Variants in PCDH17 observed in about 807,000 individuals in gnomAD.
PCDH17 encodes the protein protocadherin-17.
A neutral mutation model predicts 67.7 loss-of-function variants in PCDH17; 21 were observed. That is an observed-to-expected ratio of 0.31 (90% CI 0.22 to 0.45). PCDH17 has a LOEUF of 0.45. Among genes scored for constraint, PCDH17 ranks in the 20% least tolerant of loss-of-function variants. The pLI is 1.00. For synonymous variants in PCDH17, 701 were observed against 656.7 expected (o/e 1.07, Z -1.03); for missense variants, 1,471 against 1,564.8 (o/e 0.94, Z 1.01).
intron 3 of PCDH17, among the ~76,000 whole-genome samples, chr13:57,697,755 A>G (rs1955624810): frequency 6.6e-6 from 1 of 151,572 alleles, no homozygotes; most frequent in African/African-American, 2.4e-5. Flanking sequence ...TATTCATCCT[A>G]GAGCTCAAAA....
At chr13:57,682,737 A>C (rs1394989856) in intron 3 of PCDH17, among the ~76,000 whole-genome samples, 2 of 151,848 alleles carry the variant, frequency 1.3e-5, no homozygotes, top group Non-Finnish European at 2.9e-5. Flanking sequence ...AAAAGAAAAA[A>C]AGATTGATCG....
intron 3 of PCDH17, among the ~76,000 whole-genome samples, chr13:57,712,644 G>C (rs1052262373): frequency 6.6e-6 from 1 of 151,154 alleles, no homozygotes; most frequent in African/African-American, 2.4e-5. Flanking sequence ...AATACCTTTG[G>C]TAGCAACAAA....
intron 3 of PCDH17, among the ~76,000 whole-genome samples, chr13:57,720,164 A>G (rs556066586): frequency 6.6e-6 from 1 of 152,156 alleles, no homozygotes; most frequent in East Asian, 1.9e-4. Flanking sequence ...TGCTTGCCTG[A>G]TATCCTTAAG....
chr13:57,661,907 G>A (rs1386393801), intron 1 of PCDH17, among the ~76,000 whole-genome samples: 1 of 151,922 alleles, frequency 6.6e-6, no homozygotes, highest in Non-Finnish European at 1.5e-5. Flanking sequence ...TCACTCTGTT[G>A]CTCAATCTGG....
At chr13:57,654,650 A>G (rs963125699) in intron 1 of PCDH17, among the ~76,000 whole-genome samples, 3 of 152,068 alleles carry the variant, frequency 2.0e-5, no homozygotes, top group African/African-American at 4.8e-5. Flanking sequence ...TGACAGTCTG[A>G]TAAAGAGTAC....
chr13:57,700,375 G>A (rs1419737722), intron 3 of PCDH17, among the ~76,000 whole-genome samples: 1 of 147,060 alleles, frequency 6.8e-6, no homozygotes, highest in East Asian at 2.0e-4. Context: ...CTGGATTGCA[G>A]TGGCGTGATC....
At chr13:57,720,472 A>C in intron 3 of PCDH17, among the ~76,000 whole-genome samples, 1 of 152,100 alleles carries the variant, frequency 6.6e-6, no homozygotes, top group East Asian at 1.9e-4. Context: ...AATACATAAA[A>C]TATTGTTATT....
intron 1 of PCDH17, among the ~76,000 whole-genome samples, chr13:57,639,904 T>C (rs1954869579): frequency 6.6e-6 from 1 of 151,940 alleles, no homozygotes; most frequent in Admixed American, 6.6e-5. Flanking sequence ...CCTTTGACTA[T>C]ATTGTTCAAC....
At chr13:57,677,321 G>C (rs886309773) in intron 3 of PCDH17, among the ~76,000 whole-genome samples, 2 of 151,744 alleles carry the variant, frequency 1.3e-5, no homozygotes, top group African/African-American at 4.8e-5. Context: ...TGTTATTTAG[G>C]TATAAATGAA....
chr13:57,699,232 G>A (rs1220105346), intron 3 of PCDH17, among the ~76,000 whole-genome samples: 1 of 151,806 alleles, frequency 6.6e-6, no homozygotes, highest in Admixed American at 6.6e-5. Context: ...TCATTGATTT[G>A]TGTTTTTAAA....
intron 3 of PCDH17, among the ~76,000 whole-genome samples, chr13:57,697,639 C>T (rs187039916): frequency 5.3e-5 from 8 of 151,546 alleles, no homozygotes; most frequent in Admixed American, 2.6e-4. Context: ...TCATTATATA[C>T]GCTTTCTATA....
intron 3 of PCDH17, among the ~76,000 whole-genome samples, chr13:57,686,003 C>T (rs974636017): frequency 4.6e-5 from 7 of 151,810 alleles, no homozygotes; most frequent in African/African-American, 1.4e-4. Context: ...GCAGGAGGAT[C>T]GCTTGAGCCC....
intron 1 of PCDH17, among the ~76,000 whole-genome samples, chr13:57,661,917 G>C (rs1955188446): frequency 6.6e-6 from 1 of 151,996 alleles, no homozygotes; most frequent in Non-Finnish European, 1.5e-5. Flanking sequence ...GCTCAATCTG[G>C]AGTGCAGATT....
intron 3 of PCDH17, among the ~76,000 whole-genome samples, chr13:57,683,960 G>A (rs9537776): frequency 0.43 from 64,913 of 151,684 alleles, 14,076 homozygotes; most frequent in Middle Eastern, 0.55. Context: ...AGGAATAGCA[G>A]CAAATTACTC....
At chr13:57,704,967 G>A (rs751690191) in intron 3 of PCDH17, among the ~76,000 whole-genome samples, 13 of 151,912 alleles carry the variant, frequency 8.6e-5, no homozygotes, top group Middle Eastern at 3.4e-3. Context: ...GTATATATAC[G>A]TAATGTAGAA....
At chr13:57,691,526 A>G (rs551862307) in intron 3 of PCDH17, among the ~76,000 whole-genome samples, 4 of 151,380 alleles carry the variant, frequency 2.6e-5, no homozygotes, top group African/African-American at 4.8e-5. Context: ...GTATTATTCT[A>G]TTTGCCTCTT....
chr13:57,720,325 G>T (rs183823062), intron 3 of PCDH17, among the ~76,000 whole-genome samples: 92 of 152,094 alleles, frequency 6.0e-4, no homozygotes, highest in African/African-American at 1.9e-3. Context: ...CAGTTAAAGT[G>T]TTGATCTAAT....
At chr13:57,645,882 C>A (rs1198717919) in intron 1 of PCDH17, among the ~76,000 whole-genome samples, 1 of 151,156 alleles carries the variant, frequency 6.6e-6, no homozygotes, top group African/African-American at 2.4e-5. Flanking sequence ...CAACCTCAGT[C>A]AGTTATTAAG....
intron 3 of PCDH17, among the ~76,000 whole-genome samples, chr13:57,719,118 T>A (rs1056578323): frequency 2.8e-4 from 42 of 152,048 alleles, no homozygotes; most frequent in African/African-American, 9.9e-4. Flanking sequence ...CTTACATTGT[T>A]GAAAGAAGGT....
Sources: allele counts gnomAD v4.1 joint callset (sites outside exome capture counted in the v4.1 genomes callset), GRCh38; gene constraint gnomAD v4.1.1; transcripts MANE v1.5; gene names NCBI Gene and HGNC (gene_info 2026-07-23, HGNC 2026-07-21).